Variants in SLC4A11 observed in about 807,000 individuals in gnomAD.
The protein encoded by SLC4A11 is bicarbonate transporter related protein 1.
SLC4A11 carries 74 observed loss-of-function variants against 95.0 expected under a neutral mutation model. That is an observed-to-expected ratio of 0.78 (90% CI 0.65 to 0.95). SLC4A11 has a LOEUF of 0.95. Among genes scored for constraint, SLC4A11 ranks in the 40% least tolerant of loss-of-function variants. The probability of loss-of-function intolerance (pLI) is 0.00; values close to 1 mark genes in which losing one functional copy is unlikely to be tolerated. For missense variants in SLC4A11, 1,081 were observed against 1,192.4 expected, an observed-to-expected ratio of 0.91 and a Z score of 1.38; for synonymous variants, 548 against 519.0, an observed-to-expected ratio of 1.06 and a Z score of -0.76.
chr20:3,229,086 C>T lies in SLC4A11; in HGVS notation c.2018+9G>A, dbSNP rs1421495732. 1 of 1,587,502 alleles carries T rather than the reference C, an allele frequency of 6.3e-7. No individual in the cohort carries two copies. Among genetic ancestry groups the T allele is most frequent in the Admixed American group, 1.8e-5 (1 of 55,334 alleles). ...CCCCGCCCACCCCACCCTCACCCACCCTCCACACCTGTTCTCCGGTGCATT... is the reference window on the plus strand; with the variant it reads ...CCCCGCCCACCCCACCCTCACCCACTCTCCACACCTGTTCTCCGGTGCATT... On this transcript the variant is annotated intron_variant, in intron 16 of 19. Transcript: ENST00000642402.
intron 2 of SLC4A11, among the ~76,000 whole-genome samples, chr20:3,237,129 G>A (rs989513815): frequency 6.6e-5 from 10 of 152,296 alleles, no homozygotes; most frequent in African/African-American, 2.2e-4. Flanking sequence ...TACAAGCAGG[G>A]ACAGCAGGAA....
In SLC4A11 at chr20:3,227,449, A is replaced by AT; in HGVS notation, c.*337dup. On this transcript the variant is annotated 3_prime_UTR_variant, in exon 20 of 20. Coordinates refer to ENST00000642402, the MANE Select transcript of SLC4A11 (RefSeq NM_001174089.2). ...CTAGAAACAGGAGCTTTATTCTCTAATGTGCGTCCAGCAAGTTCCTTACAC... is the reference window on the plus strand; with the variant it reads ...CTAGAAACAGGAGCTTTATTCTCTAATTGTGCGTCCAGCAAGTTCCTTACAC... The AT allele has an allele frequency of 2.8e-6, 1 of 356,438 alleles. No individual in the cohort carries two copies. Among genetic ancestry groups the AT allele is most frequent in the Non-Finnish European group, 5.4e-6 (1 of 185,860 alleles). 22.1% of individuals were successfully genotyped at this position (356,438 alleles called of 1,614,324 possible).
chr20:3,238,258 C>T, intron 1 of SLC4A11: 1 of 1,330,320 alleles, frequency 7.5e-7, no homozygotes, highest in South Asian at 2.3e-5. Flanking sequence ...CCTCCCTGGG[C>T]CGGTCCCCGG....
upstream of SLC4A11, chr20:3,239,201 C>T (rs1483264206): frequency 7.4e-7 from 1 of 1,351,422 alleles, no homozygotes; most frequent in African/African-American, 1.5e-5. Flanking sequence ...GGACCCCAAA[C>T]TCGGCGACTC....
intron 7 of SLC4A11, among the ~76,000 whole-genome samples, chr20:3,232,798 G>A (rs937595522): frequency 3.3e-5 from 5 of 152,176 alleles, no homozygotes; most frequent in African/African-American, 9.7e-5. Flanking sequence ...GCCCAGTGTC[G>A]GGCTGGGGGA....
At chr20:3,230,706 A>G (rs376933510) in intron 11 of SLC4A11, 26 bp downstream of exon 11, 14 of 1,612,946 alleles carry the variant, frequency 8.7e-6, no homozygotes, top group Admixed American at 1.7e-5. Flanking sequence ...CTCAGGCACC[A>G]TCTCCCGCCT....
chr20:3,228,112 T>TA lies in SLC4A11; in HGVS notation c.2558+146dup, dbSNP rs1465738166. 14 of 550,218 alleles carry TA rather than the reference T, an allele frequency of 2.5e-5. No homozygotes were observed. In the Admixed American group the frequency reaches 3.9e-4, roughly 15 times the overall value. 34.1% of individuals were successfully genotyped at this position (550,218 alleles called of 1,614,324 possible). A position where few individuals can be genotyped will look rare whatever the true frequency, so the allele number is the denominator to read the frequency against. ...CCCCAGCCCGCCCACTCTCCACCCC[T>TA]AGGCAGGACCCCTCCTCCTGGGCAC... is the stretch of plus-strand genomic sequence containing the variant. On this transcript the variant is annotated intron_variant, in intron 19 of 19. Coordinates refer to ENST00000642402, the MANE Select transcript of SLC4A11 (RefSeq NM_001174089.2).
intron 2 of SLC4A11, among the ~76,000 whole-genome samples, chr20:3,235,303 TCTCTCTCACA>T (rs879749611): frequency 2.3e-3 from 263 of 114,894 alleles, no homozygotes; most frequent in Middle Eastern, 4.2e-3. Flanking sequence ...TCTCTCTCTC[TCTCTCTCACA>T]CACACACACA....
rs3842433 is a variant in SLC4A11 at position 3,234,403 on chromosome 20, T to TCCAGCCCCCAGCCCCCAGCCC, written c.292-110_292-90dup. ...CCTCCCTCCCAGCCAGCCGCAGCAG[T>TCCAGCCCCCAGCCCCCAGCCC]CCAGCCCCCAGCCCCCAGCCCCCAG... On this transcript the variant is annotated intron_variant, in intron 4 of 19. Transcript: ENST00000642402. The surrounding 1 kb of genome is among the most constrained non-coding windows in gnomAD (Gnocchi z 5.8). The TCCAGCCCCCAGCCCCCAGCCC allele has an allele frequency of 1.8e-4, 241 of 1,339,034 alleles. No individual in the cohort carries two copies. The highest frequency in any genetic ancestry group is 1.4e-3 in the Admixed American group (78 of 55,380). The allele number at this position is 1,339,034 out of a possible 1,614,324, so 82.9% of individuals were successfully genotyped here. A position where few individuals can be genotyped will look rare whatever the true frequency, so the allele number is the denominator to read the frequency against.
chr20:3,234,406 A>AGCCCCCC lies in SLC4A11; in HGVS notation c.292-93_292-92insGGGGGGC. ...CCCTCCCAGCCAGCCGCAGCAGTCCAGCCCCCAGCCCCCAGCCCCCAGCCC... is the reference window on the plus strand; with the variant it reads ...CCCTCCCAGCCAGCCGCAGCAGTCCAGCCCCCCGCCCCCAGCCCCCAGCCCCCAGCCC... On this transcript the variant is annotated intron_variant, in intron 4 of 19. Transcript: ENST00000642402. The surrounding 1 kb of genome is among the most constrained non-coding windows in gnomAD (Gnocchi z 5.8). 1 of 1,421,404 alleles carries AGCCCCCC rather than the reference A, an allele frequency of 7.0e-7. No homozygotes were observed. Among genetic ancestry groups the AGCCCCCC allele is most frequent in the South Asian group, 1.2e-5 (1 of 85,874 alleles). The allele number at this position is 1,421,404 out of a possible 1,614,324, so 88.0% of individuals were successfully genotyped here. A position where few individuals can be genotyped will look rare whatever the true frequency, so the allele number is the denominator to read the frequency against.
At chr20:3,235,301 TCTCTCTCTCACACACACA>T (rs1568543976) in intron 2 of SLC4A11, among the ~76,000 whole-genome samples, 2 of 115,378 alleles carry the variant, frequency 1.7e-5, no homozygotes, top group African/African-American at 6.0e-5. Context: ...TCTCTCTCTC[TCTCTCTCTCACACACACA>T]CACACACACA....
At chr20:3,228,767 TC>T in intron 17 of SLC4A11, 60 bp from the exon 18 acceptor site, 1 of 1,612,604 alleles carries the variant, frequency 6.2e-7, no homozygotes, top group Non-Finnish European at 8.5e-7. Flanking sequence ...GCCTCACTCC[TC>T]CCTATGTCCC....
At position 3,231,461 on chromosome 20, in the gene SLC4A11, G is replaced by C. The variant is rs185463872; in HGVS notation, c.817C>G (p.Arg273Gly). The C allele has an allele frequency of 6.2e-7, 1 of 1,614,086 alleles. No homozygotes were observed. The highest frequency in any genetic ancestry group is 8.5e-7 in the Non-Finnish European group (1 of 1,180,022). Reference sequence around the variant, plus strand: ...GCCTCCTTGAATTCCTCCTCTGTGCGGGTCTCCAGGAGCTTCTGGCGGAAG... The same window carrying C: ...GCCTCCTTGAATTCCTCCTCTGTGCCGGTCTCCAGGAGCTTCTGGCGGAAG... ...IAFRQKLLET[R>G]TEEEFKEALV... Residue 273 changes from arginine (R) to glycine (G), a missense_variant, in exon 8 of 20, where the codon CGC becomes GGC. By Grantham distance (125) the Arg-to-Gly change is moderately radical. This residue lies in a region of SLC4A11 where 767 missense variants were observed against 858.0 expected (regional missense o/e 0.89). Coordinates refer to ENST00000642402, the MANE Select transcript of SLC4A11 (RefSeq NM_001174089.2). The surrounding 1 kb of genome is among the most constrained non-coding windows in gnomAD (Gnocchi z 5.2).
At chr20:3,237,145 C>T (rs1225883572) in intron 2 of SLC4A11, among the ~76,000 whole-genome samples, 1 of 152,124 alleles carries the variant, frequency 6.6e-6, no homozygotes. Flanking sequence ...AGGAAGGTGC[C>T]CGAGGGACTG....
chr20:3,230,913 G>A lies in SLC4A11; in HGVS notation c.1168+20C>T, dbSNP rs201710798. On this transcript the variant is annotated intron_variant, in intron 10 of 19. Transcript: ENST00000642402. ...CCAGCCCAGCATACCCCCACCCACC[G>A]CCCACCGCCAGCCCCTCACCGATGG... is the stretch of plus-strand genomic sequence containing the variant. 2,841 of 747,924 alleles carry A rather than the reference G, an allele frequency of 3.8e-3. 6 individuals are homozygous for A. Among genetic ancestry groups the A allele is most frequent in the Non-Finnish European group, 5.7e-3 (2,578 of 455,942 alleles). The allele number at this position is 747,924 out of a possible 1,614,324, so 46.3% of individuals were successfully genotyped here.
rs2122596488 is a variant in SLC4A11, at chr20:3,234,009, A to G, written c.524-7T>C. On this transcript the variant is annotated splice_polypyrimidine_tract_variant and splice_region_variant and intron_variant, in intron 5 of 19. Coordinates refer to ENST00000642402, the MANE Select transcript of SLC4A11 (RefSeq NM_001174089.2). This position sits in a 1 kb window ranked among gnomAD's most constrained non-coding sequence, Gnocchi z 5.8. Reference sequence around the variant, plus strand: ...GTATCTGACAGCAGGTGGACTGAGGAAAGAGTGAGGGGGAGGGTGGTGGGT... The same window carrying G: ...GTATCTGACAGCAGGTGGACTGAGGGAAGAGTGAGGGGGAGGGTGGTGGGT... The G allele has an allele frequency of 6.2e-7, 1 of 1,613,784 alleles. No individual in the cohort carries two copies. Among genetic ancestry groups the G allele is most frequent in the Non-Finnish European group, 8.5e-7 (1 of 1,179,956 alleles).
In SLC4A11 at chr20:3,237,667, C is replaced by G. The variant is rs374036144; in HGVS notation, c.44-79G>C. The stretch of plus-strand genomic sequence containing the variant: ...TGTGTGCACCTGTCTCCCCGCCCCC[C>G]GACCTGGCTCATTCCTTCGCTCTTC... On this transcript the variant is annotated intron_variant, in intron 1 of 19. Coordinates refer to ENST00000642402, the MANE Select transcript of SLC4A11 (RefSeq NM_001174089.2). 2.0e-5 allele frequency: 33 copies of G among 1,614,096 alleles called. No homozygotes were observed. In the African/African-American group the frequency reaches 3.3e-4, roughly 16 times the overall value.
chr20:3,230,664 G>A lies in SLC4A11; in HGVS notation c.1283-17C>T. 2.5e-6 allele frequency: 4 copies of A among 1,613,222 alleles called. No individual in the cohort carries two copies. Among genetic ancestry groups the A allele is most frequent in the Non-Finnish European group, 3.4e-6 (4 of 1,180,020 alleles). ...CACGAATCACTGCAGGCAGGGGGCA[G>A]GGCGGGTCAGGGCCCGGCAGGAACC... On this transcript the variant is annotated splice_polypyrimidine_tract_variant and intron_variant, in intron 11 of 19. Coordinates refer to ENST00000642402, the MANE Select transcript of SLC4A11 (RefSeq NM_001174089.2).
chr20:3,231,520 G>A lies in SLC4A11; in HGVS notation c.758C>T (p.Ala253Val), dbSNP rs1298347142. Residue 253 changes from alanine to valine, a missense_variant, in exon 8 of 20, where the codon GCG (alanine) becomes GTG (valine). Physicochemically the swap from Ala to Val is moderately conservative, Grantham distance 64 (BLOSUM62 0). Transcript: ENST00000642402. This position sits in a 1 kb window ranked among gnomAD's most constrained non-coding sequence, Gnocchi z 5.2. ...MKSTKTAMEV[A>V]RTFATMFSDI... The stretch of plus-strand genomic sequence containing the variant: ...CGAGAACATGGTGGCAAACGTGCGC[G>A]CCACCTCCATCGCAGTCTTAGTGCT... 7 of 1,613,826 alleles carry A rather than the reference G, an allele frequency of 4.3e-6. No individual in the cohort carries two copies. Among genetic ancestry groups the A allele is most frequent in the Middle Eastern group, 1.6e-4 (1 of 6,084 alleles).
Sources: allele counts gnomAD v4.1 joint callset (sites outside exome capture counted in the v4.1 genomes callset), GRCh38; gene constraint gnomAD v4.1.1; regional missense constraint gnomAD v4.1.1; non-coding constraint Gnocchi (gnomAD v3.1); transcripts MANE v1.5; gene names NCBI Gene and HGNC (gene_info 2026-07-23, HGNC 2026-07-21).